Variants in ZNF469 observed in about 807,000 individuals in gnomAD.
The protein encoded by ZNF469 is zinc finger protein 469.
In ZNF469, 1 loss-of-function variant was observed where a neutral mutation model predicts 1.0. The observed-to-expected ratio is 1.00, with a 90% CI of 0.35 to 4.73. The LOEUF (loss-of-function observed/expected upper bound fraction) is 4.73. Among genes scored for constraint, ZNF469 ranks in the 30% most tolerant of loss-of-function variants. The probability of loss-of-function intolerance (pLI) is 0.16; values close to 1 mark genes in which losing one functional copy is unlikely to be tolerated. For synonymous variants in ZNF469, 2,703 were observed against 2,363.4 expected, an observed-to-expected ratio of 1.14 and a Z score of -4.17; for missense variants, 6,100 against 5,356.3, an observed-to-expected ratio of 1.14 and a Z score of -4.33.
At chr16:88,287,701 G>A in the ZNF469 span, among the ~76,000 whole-genome samples, 1,073 of 152,124 alleles carry the variant, frequency 7.1e-3, 12 homozygotes, top group African/African-American at 0.024. Context: ...TACCCTTTCC[G>A]GTCTTCATGT....
chr16:88,353,400 C>CG, the ZNF469 span, among the ~76,000 whole-genome samples: 1 of 152,134 alleles, frequency 6.6e-6, no homozygotes, highest in African/African-American at 2.4e-5. Context: ...GCCTGTGACC[C>CG]GGCGCCCACC....
the ZNF469 span, among the ~76,000 whole-genome samples, chr16:88,249,743 T>A: frequency 2.0e-5 from 3 of 152,194 alleles, no homozygotes; most frequent in South Asian, 2.1e-4. Flanking sequence ...GCCAATTTTT[T>A]AATTTTTTTA....
At chr16:88,368,401 G>A in the ZNF469 span, among the ~76,000 whole-genome samples, 1 of 152,204 alleles carries the variant, frequency 6.6e-6, no homozygotes, top group Non-Finnish European at 1.5e-5. Flanking sequence ...CTGCGAGGTG[G>A]GGGTTCTGCG....
the ZNF469 span, among the ~76,000 whole-genome samples, chr16:88,366,354 CA>C: frequency 3.8e-4 from 57 of 151,796 alleles, no homozygotes; most frequent in African/African-American, 1.3e-3. Flanking sequence ...CCATCATCAT[CA>C]CCACCATCAC....
the ZNF469 span, among the ~76,000 whole-genome samples, chr16:88,112,499 C>G: frequency 6.6e-6 from 1 of 152,202 alleles, no homozygotes; most frequent in African/African-American, 2.4e-5. Flanking sequence ...GGTGATGTCT[C>G]ATGGTAGCTT....
At chr16:88,201,135 C>A in the ZNF469 span, among the ~76,000 whole-genome samples, 1 of 152,262 alleles carries the variant, frequency 6.6e-6, no homozygotes, top group South Asian at 2.1e-4. The surrounding 1 kb of genome is among the most constrained non-coding windows in gnomAD (Gnocchi z 5.0). Context: ...CTCCCCACCC[C>A]GTGCTTCAGT....
the ZNF469 span, among the ~76,000 whole-genome samples, chr16:88,156,579 A>G: frequency 1.8e-4 from 27 of 152,390 alleles, 1 homozygote; most frequent in African/African-American, 6.0e-4. Flanking sequence ...TATCTTTGCA[A>G]TCAGGATAAA....
In ZNF469 at chr16:88,431,743, C is replaced by G. The variant is rs1294291940; in HGVS notation, c.4273C>G (p.Leu1425Val). The change falls in exon 3 of 3, where the codon CTC becomes GTC. Residue 1425 changes from leucine to valine, a missense_variant. Leu to Val is a conservative substitution (Grantham distance 32). Transcript: ENST00000565624. ...LCQDGEDAGS[L>V]EPQLPRSPPG... ...CCAGGACGGCGAGGATGCCGGTTCCCTCGAGCCACAGCTGCCAAGGAGCCC... is the reference window on the plus strand; with the variant it reads ...CCAGGACGGCGAGGATGCCGGTTCCGTCGAGCCACAGCTGCCAAGGAGCCC... 5 of 1,549,956 alleles carry G rather than the reference C, an allele frequency of 3.2e-6. No individual in the cohort carries two copies. The highest frequency in any genetic ancestry group is 4.4e-6 in the Non-Finnish European group (5 of 1,146,956).
At chr16:88,134,010 A>C in the ZNF469 span, among the ~76,000 whole-genome samples, 1 of 152,306 alleles carries the variant, frequency 6.6e-6, no homozygotes, top group Admixed American at 6.5e-5. Context: ...CAGGACAATC[A>C]ATAGAACCCC....
the ZNF469 span, among the ~76,000 whole-genome samples, chr16:88,243,962 GTGGA>G: frequency 4.6e-4 from 50 of 107,558 alleles, 1 homozygote; most frequent in South Asian, 0.015. Context: ...AAATGTATGT[GTGGA>G]TGGATGGATG....
chr16:88,178,215 T>G, the ZNF469 span: 1 of 149,494 alleles, frequency 6.7e-6, no homozygotes, highest in Admixed American at 6.6e-5. Flanking sequence ...GGACCTGGGC[T>G]GGAGAGTGGG....
upstream of ZNF469, among the ~76,000 whole-genome samples, chr16:88,378,983 A>C (rs570582540): frequency 6.6e-6 from 1 of 152,166 alleles, no homozygotes; most frequent in African/African-American, 2.4e-5. Flanking sequence ...GGTTGTCAGG[A>C]TGGACGGGTG....
At chr16:88,416,728 C>G (rs550986595) in intron 1 of ZNF469, among the ~76,000 whole-genome samples, 1 of 152,228 alleles carries the variant, frequency 6.6e-6, no homozygotes, top group Non-Finnish European at 1.5e-5. Context: ...GGGATGGTAA[C>G]AACCTTGCCC....
At chr16:88,149,579 T>A in the ZNF469 span, among the ~76,000 whole-genome samples, 4 of 152,132 alleles carry the variant, frequency 2.6e-5, no homozygotes, top group Non-Finnish European at 4.4e-5. Flanking sequence ...GGGCGAGTCT[T>A]GCACTCAGTC....
At chr16:88,192,761 TC>T in the ZNF469 span, among the ~76,000 whole-genome samples, 110 of 152,034 alleles carry the variant, frequency 7.2e-4, no homozygotes, top group African/African-American at 1.0e-3. Context: ...GTGGTGATGA[TC>T]ATGATGGTGA....
rs768576385 is a variant in ZNF469 at position 88,429,160 on chromosome 16, G to C, written c.1690G>C (p.Gly564Arg). The change falls in exon 3 of 3, where the codon GGG becomes CGG. Residue 564 changes from glycine (G) to arginine (R), a missense_variant. By Grantham distance (125) the Gly-to-Arg change is moderately radical. Coordinates refer to ENST00000565624, the MANE Select transcript of ZNF469 (RefSeq NM_001367624.2). ...TDPGAQPLFF[G>R]VAQPQVSPHG... is the part of the protein sequence containing the mutation. ...CCCTGGGGCTCAGCCCCTGTTCTTC[G>C]GGGTGGCCCAGCCCCAGGTTTCACC... is the stretch of plus-strand genomic sequence containing the variant. The C allele has an allele frequency of 7.1e-6, 11 of 1,549,910 alleles. No homozygotes were observed. Among genetic ancestry groups the C allele is most frequent in the Middle Eastern group, 3.3e-4 (2 of 5,990 alleles).
the ZNF469 span, among the ~76,000 whole-genome samples, chr16:88,355,484 T>G: frequency 2.0e-5 from 3 of 152,236 alleles, no homozygotes; most frequent in African/African-American, 7.2e-5. Flanking sequence ...GGGAGAAACG[T>G]GAGCGTGGCG....
chr16:88,274,423 C>G, the ZNF469 span, among the ~76,000 whole-genome samples: 1 of 152,168 alleles, frequency 6.6e-6, no homozygotes, highest in Admixed American at 6.5e-5. Flanking sequence ...GTGTATTTTA[C>G]CACAATAAAA....
chr16:88,179,456 G>A, the ZNF469 span, among the ~76,000 whole-genome samples: 1 of 152,214 alleles, frequency 6.6e-6, no homozygotes, highest in Non-Finnish European at 1.5e-5. Context: ...AGCAGATTCT[G>A]TTGCCAGGCT....
Sources: allele counts gnomAD v4.1 joint callset (sites outside exome capture counted in the v4.1 genomes callset), GRCh38; gene constraint gnomAD v4.1.1; non-coding constraint Gnocchi (gnomAD v3.1); transcripts MANE v1.5; gene names NCBI Gene and HGNC (gene_info 2026-07-23, HGNC 2026-07-21).